Variants in R3HDM1 observed in about 807,000 individuals in gnomAD.
R3HDM1 encodes R3H domain-containing protein 1.
In R3HDM1, 46 loss-of-function variants were observed where a neutral mutation model predicts 141.1. That is an observed-to-expected ratio of 0.33 (90% CI 0.26 to 0.42). The LOEUF (loss-of-function observed/expected upper bound fraction) is 0.42, where lower values mean the gene tolerates loss of function less well. R3HDM1 is among the 10% of genes least tolerant of loss of function. The pLI is 1.00. For synonymous variants in R3HDM1, 435 were observed against 472.9 expected, an observed-to-expected ratio of 0.92 and a Z score of 1.04; for missense variants, 1,184 against 1,368.3, an observed-to-expected ratio of 0.87 and a Z score of 2.12.
chr2:135,591,421 G>A lies in R3HDM1; in HGVS notation c.-249-11079G>A, dbSNP rs562535756. On this transcript the variant is annotated intron_variant, in intron 1 of 26. Coordinates refer to ENST00000683871, the MANE Select transcript of R3HDM1 (RefSeq NM_001378107.1). Reference sequence around the variant, plus strand: ...CCACATCAAAGTCTAGCTAAAATACGATAAGACTGAGGGTTTCTTATAAAT... The same window carrying A: ...CCACATCAAAGTCTAGCTAAAATACAATAAGACTGAGGGTTTCTTATAAAT... 5.5e-4 allele frequency among the ~76,000 whole-genome samples: 83 copies of A among 152,236 alleles called. 1 individual carries two copies. Among genetic ancestry groups the A allele is most frequent in the African/African-American group, 1.7e-3 (71 of 41,558 alleles).
intron 1 of R3HDM1, among the ~76,000 whole-genome samples, chr2:135,556,871 C>T (rs540209805): frequency 6.6e-6 from 1 of 152,012 alleles, no homozygotes; most frequent in African/African-American, 2.4e-5. Flanking sequence ...AAAAAAAAAA[C>T]TATTAAAATT....
intron 7 of R3HDM1, among the ~76,000 whole-genome samples, chr2:135,624,189 A>G (rs1474772567): frequency 1.3e-5 from 2 of 152,112 alleles, no homozygotes; most frequent in South Asian, 4.1e-4. Flanking sequence ...AGGTCAGGAG[A>G]TCGAGACCAT....
intron 1 of R3HDM1, among the ~76,000 whole-genome samples, chr2:135,557,339 C>A (rs1468561520): frequency 1.3e-5 from 2 of 151,112 alleles, no homozygotes; most frequent in Non-Finnish European, 1.5e-5. Context: ...CATACTATAA[C>A]AAGGGTCTTG....
intron 21 of R3HDM1, among the ~76,000 whole-genome samples, chr2:135,695,296 A>G (rs1039526176): frequency 6.6e-6 from 1 of 152,188 alleles, no homozygotes; most frequent in African/African-American, 2.4e-5. Flanking sequence ...GAATGCAGAG[A>G]ATCAGGAAAC....
intron 19 of R3HDM1, among the ~76,000 whole-genome samples, chr2:135,674,695 T>G (rs74915914): frequency 0.013 from 1,969 of 152,360 alleles, 35 homozygotes; most frequent in African/African-American, 0.044. Flanking sequence ...AGCAGATTAC[T>G]TGAGTTGTTT....
chr2:135,554,936 G>T (rs1700445100), intron 1 of R3HDM1, among the ~76,000 whole-genome samples: 1 of 152,156 alleles, frequency 6.6e-6, no homozygotes, highest in South Asian at 2.1e-4. Context: ...TGTCCATTCT[G>T]TCCTAGCAAA....
intron 1 of R3HDM1, among the ~76,000 whole-genome samples, chr2:135,545,244 C>T (rs1028178613): frequency 2.0e-5 from 3 of 152,054 alleles, no homozygotes; most frequent in Middle Eastern, 3.2e-3. Flanking sequence ...TACTATGTGC[C>T]GTGTACTGCC....
At chr2:135,569,843 C>G (rs1010554279) in intron 1 of R3HDM1, among the ~76,000 whole-genome samples, 1 of 151,800 alleles carries the variant, frequency 6.6e-6, no homozygotes, top group African/African-American at 2.4e-5. Flanking sequence ...TCTCCTGCCT[C>G]AGCCTCCCGA....
intron 21 of R3HDM1, among the ~76,000 whole-genome samples, chr2:135,698,727 AAG>A (rs1356977644): frequency 6.6e-6 from 1 of 152,138 alleles, no homozygotes; most frequent in Non-Finnish European, 1.5e-5. Flanking sequence ...ATTATGGCAG[AAG>A]GCAAGAGGGA....
chr2:135,676,155 G>A (rs894635791), intron 20 of R3HDM1, among the ~76,000 whole-genome samples: 3 of 151,970 alleles, frequency 2.0e-5, no homozygotes, highest in African/African-American at 4.8e-5. Flanking sequence ...GTGAAACCCT[G>A]TTTCTACTAA....
At chr2:135,713,051 A>C (rs1446459505) in intron 23 of R3HDM1, among the ~76,000 whole-genome samples, 1 of 152,162 alleles carries the variant, frequency 6.6e-6, no homozygotes, top group Non-Finnish European at 1.5e-5. Flanking sequence ...AAAAATTAAA[A>C]ATTAGCCAGG....
chr2:135,673,088 T>C (rs868360567), intron 19 of R3HDM1, among the ~76,000 whole-genome samples: 1 of 152,038 alleles, frequency 6.6e-6, no homozygotes, highest in South Asian at 2.1e-4. Context: ...GCCTGAGCGA[T>C]AGAGACTGCA....
intron 1 of R3HDM1, among the ~76,000 whole-genome samples, chr2:135,549,794 GT>G (rs1234009814): frequency 6.6e-6 from 1 of 152,090 alleles, no homozygotes; most frequent in Non-Finnish European, 1.5e-5. Flanking sequence ...TAATGAAAAA[GT>G]TTTGAAACTA....
At chr2:135,638,686 A>G in intron 12 of R3HDM1, 31 bp downstream of exon 12, 1 of 1,611,382 alleles carries the variant, frequency 6.2e-7, no homozygotes, top group South Asian at 1.1e-5. Context: ...TGTTTTGGTA[A>G]TTGTCTGACT....
chr2:135,656,435 T>C (rs1357862228), intron 18 of R3HDM1: 1 of 152,142 alleles, frequency 6.6e-6, no homozygotes, highest in Non-Finnish European at 1.5e-5. Flanking sequence ...CTGTATTTTA[T>C]TCTACTTTCC....
intron 21 of R3HDM1, among the ~76,000 whole-genome samples, chr2:135,701,705 C>T (rs1042068200): frequency 6.6e-6 from 1 of 152,158 alleles, no homozygotes; most frequent in African/African-American, 2.4e-5. Context: ...TGATTCACAT[C>T]TTGGGCAGCA....
At chr2:135,543,784 A>G (rs1698120577) in intron 1 of R3HDM1, among the ~76,000 whole-genome samples, 1 of 152,236 alleles carries the variant, frequency 6.6e-6, no homozygotes, top group African/African-American at 2.4e-5. Context: ...TCACTCTGAT[A>G]TATGTGGTTT....
intron 1 of R3HDM1, among the ~76,000 whole-genome samples, chr2:135,585,512 G>C (rs1707688343): frequency 6.6e-6 from 1 of 152,148 alleles, no homozygotes; most frequent in African/African-American, 2.4e-5. Context: ...TTAACAAAAT[G>C]GGAAACAGAG....
chr2:135,532,562 A>AT (rs1559067933), intron 1 of R3HDM1, among the ~76,000 whole-genome samples: 96 of 150,490 alleles, frequency 6.4e-4, no homozygotes, highest in African/African-American at 2.3e-3. Context: ...AAATTTTCTA[A>AT]ATATATATAT....
Sources: allele counts gnomAD v4.1 joint callset (sites outside exome capture counted in the v4.1 genomes callset), GRCh38; gene constraint gnomAD v4.1.1; transcripts MANE v1.5; gene names NCBI Gene and HGNC (gene_info 2026-07-23, HGNC 2026-07-21).